The following FRRS1 variants were observed in gnomAD, a reference collection of about 807,000 sequenced individuals.
FRRS1 encodes the protein ferric reductase 1.
In FRRS1, 51 loss-of-function variants were observed where a neutral mutation model predicts 70.7. The observed-to-expected ratio is 0.72, with a 90% CI of 0.58 to 0.91. The LOEUF is 0.91. Among genes scored for constraint, FRRS1 ranks in the 40% least tolerant of loss-of-function variants. The pLI, the probability that FRRS1 is intolerant of heterozygous loss-of-function variation, is 0.00. For missense variants in FRRS1, 672 were observed against 726.0 expected, an observed-to-expected ratio of 0.93 and a Z score of 0.86; for synonymous variants, 225 against 238.7, an observed-to-expected ratio of 0.94 and a Z score of 0.53.
At chr1:99,729,335 C>A (rs1259721336) in intron 8 of FRRS1, among the ~76,000 whole-genome samples, 1 of 132,472 alleles carries the variant, frequency 7.5e-6, no homozygotes, top group Non-Finnish European at 1.7e-5. Context: ...GTCTTAGAAA[C>A]CCGTCTGTAA....
chr1:99,754,487 A>AAG (rs1204934716), intron 1 of FRRS1, among the ~76,000 whole-genome samples: 7 of 121,400 alleles, frequency 5.8e-5, no homozygotes, highest in Admixed American at 8.7e-5. Flanking sequence ...CCTTGTCTCA[A>AAG]AGAGAGAGAG....
rs1297319200 is a variant in FRRS1, at chr1:99,705,291, G to C, written c.*3737C>G. On this transcript the variant is annotated 3_prime_UTR_variant, in exon 17 of 17. Transcript: ENST00000646001. Reference sequence around the variant, plus strand: ...CGTTTCACTGAGAAGGGCATTCCAGGCTGGTAACCATCTGTGACCTGGGTG... The same window carrying C: ...CGTTTCACTGAGAAGGGCATTCCAGCCTGGTAACCATCTGTGACCTGGGTG... Among the ~76,000 whole-genome samples, 3 of 152,222 alleles carry C rather than the reference G, an allele frequency of 2.0e-5. No individual in the cohort carries two copies. Among genetic ancestry groups the C allele is most frequent in the African/African-American group, 7.2e-5 (3 of 41,446 alleles).
intron 7 of FRRS1, among the ~76,000 whole-genome samples, chr1:99,734,651 A>T (rs545022919): frequency 6.6e-6 from 1 of 152,354 alleles, no homozygotes; most frequent in East Asian, 1.9e-4. Flanking sequence ...ACCAAAAAAG[A>T]TGCTGGCAGC....
At chr1:99,747,654 G>C (rs769781162) in intron 3 of FRRS1, 10 of 462,840 alleles carry the variant, frequency 2.2e-5, no homozygotes, top group Admixed American at 3.9e-5. Context: ...ATTCCGCAAA[G>C]AGAAAAGAAA....
In FRRS1 at chr1:99,749,013, G is replaced by T; in HGVS notation, c.-105-12C>A. 1 of 342,652 alleles carries T rather than the reference G, an allele frequency of 2.9e-6. No homozygotes were observed. The highest frequency in any genetic ancestry group is 5.2e-6 in the Non-Finnish European group (1 of 190,492). 21.2% of individuals were successfully genotyped at this position (342,652 alleles called of 1,614,324 possible). On this transcript the variant is annotated splice_polypyrimidine_tract_variant and intron_variant, in intron 1 of 16. Coordinates refer to ENST00000646001, the MANE Select transcript of FRRS1 (RefSeq NM_001361041.2). The stretch of plus-strand genomic sequence containing the variant: ...CTCCACTTCCTTACCTGAAAAATAA[G>T]GAAACAAAGATCTCTTTTCAATGCT...
At chr1:99,762,504 T>C (rs181778740) in intron 1 of FRRS1, among the ~76,000 whole-genome samples, 22 of 151,180 alleles carry the variant, frequency 1.5e-4, no homozygotes, top group South Asian at 4.2e-4. Flanking sequence ...CCTGTTTCTC[T>C]GTAGGATCAT....
At chr1:99,713,647 C>T (rs1654380913) in intron 12 of FRRS1, among the ~76,000 whole-genome samples, 1 of 152,280 alleles carries the variant, frequency 6.6e-6, no homozygotes, top group East Asian at 1.9e-4. Context: ...AGGCTCTGAA[C>T]TTAACATATG....
intron 4 of FRRS1, among the ~76,000 whole-genome samples, chr1:99,742,487 A>G (rs559963379): frequency 6.6e-6 from 1 of 152,382 alleles, no homozygotes; most frequent in Admixed American, 6.5e-5. Context: ...ATGAGAGTCC[A>G]CAGAAATCTA....
At position 99,708,966 on chromosome 1, in the gene FRRS1, C is replaced by G; in HGVS notation, c.*62G>C. Reference sequence around the variant, plus strand: ...TGCTCCAGGCAGTCAGGACAGGCTTCAAGTTTCTTTGGTTTGATGATAATT... The same window carrying G: ...TGCTCCAGGCAGTCAGGACAGGCTTGAAGTTTCTTTGGTTTGATGATAATT... On this transcript the variant is annotated 3_prime_UTR_variant, in exon 17 of 17. Coordinates refer to ENST00000646001, the MANE Select transcript of FRRS1 (RefSeq NM_001361041.2). 5 of 1,613,970 alleles carry G rather than the reference C, an allele frequency of 3.1e-6. No homozygotes were observed. The South Asian group carries it at 5.5e-5, about 18-fold the overall frequency.
intron 9 of FRRS1, among the ~76,000 whole-genome samples, chr1:99,726,306 A>G (rs1655076914): frequency 6.6e-6 from 1 of 152,226 alleles, no homozygotes. Flanking sequence ...ACTGTGAATC[A>G]ATTAAATCTA....
chr1:99,707,889 T>C lies in FRRS1; in HGVS notation c.*1139A>G, dbSNP rs1013138064. ...ACAGAACCAGACACATTATATTATTTCTACAAGTAAACAGAATATCTATTA... is the reference window on the plus strand; with the variant it reads ...ACAGAACCAGACACATTATATTATTCCTACAAGTAAACAGAATATCTATTA... On this transcript the variant is annotated 3_prime_UTR_variant, in exon 17 of 17. Coordinates refer to ENST00000646001, the MANE Select transcript of FRRS1 (RefSeq NM_001361041.2). Among the ~76,000 whole-genome samples the C allele has an allele frequency of 6.6e-6, 1 of 152,362 alleles. No homozygotes were observed. The highest frequency in any genetic ancestry group is 1.5e-5 in the Non-Finnish European group (1 of 68,032).
intron 9 of FRRS1, among the ~76,000 whole-genome samples, chr1:99,722,059 G>A (rs182977551): frequency 9.3e-5 from 14 of 151,322 alleles, no homozygotes; most frequent in Non-Finnish European, 1.9e-4. Flanking sequence ...GTCCAGGCTG[G>A]AGTGCAGTGG....
chr1:99,733,117 G>A (rs796468840), intron 7 of FRRS1, among the ~76,000 whole-genome samples: 5 of 152,220 alleles, frequency 3.3e-5, no homozygotes, highest in African/African-American at 1.2e-4. Context: ...CCAAAGTGCT[G>A]GGATTATAGG....
chr1:99,748,708 C>A lies in FRRS1; in HGVS notation c.61G>T (p.Ala21Ser). ...CILLLHISYVANYPNGKVTQS... is the reference protein window; with the variant it reads ...CILLLHISYVSNYPNGKVTQS... Reference sequence around the variant, plus strand: ...GTTACTTTTCCATTGGGATAATTAGCCACATAACTAATGTGCAACAGAAGT... The same window carrying A: ...GTTACTTTTCCATTGGGATAATTAGACACATAACTAATGTGCAACAGAAGT... The change falls in exon 3 of 17, where the codon GCT becomes TCT. Residue 21 changes from alanine to serine, a missense_variant. Ala to Ser is a moderately conservative substitution (Grantham distance 99, BLOSUM62 1). Transcript: ENST00000646001. The A allele has an allele frequency of 6.2e-7, 1 of 1,613,960 alleles. No individual in the cohort carries two copies.
In FRRS1 at chr1:99,728,648, C is replaced by T. The variant is rs563459661; in HGVS notation, c.859-8G>A. On this transcript the variant is annotated splice_region_variant and splice_polypyrimidine_tract_variant and intron_variant, in intron 8 of 16. Coordinates refer to ENST00000646001, the MANE Select transcript of FRRS1 (RefSeq NM_001361041.2). ...CATATCCTCAAGGGTATCCTACAAA[C>T]ACACACAATGGGTCTTCTCAGCACT... is the stretch of plus-strand genomic sequence containing the variant. The T allele has an allele frequency of 7.6e-6, 12 of 1,587,196 alleles. No individual in the cohort carries two copies. In the East Asian group the frequency reaches 2.5e-4, roughly 32 times the overall value.
chr1:99,749,849 AAG>A (rs1265113858), intron 1 of FRRS1, among the ~76,000 whole-genome samples: 1 of 152,168 alleles, frequency 6.6e-6, no homozygotes, highest in African/African-American at 2.4e-5. Context: ...AGGACTCAAC[AAG>A]GCTGGAGGTG....
intron 7 of FRRS1, among the ~76,000 whole-genome samples, chr1:99,732,751 T>A (rs564119158): frequency 5.5e-4 from 83 of 152,198 alleles, no homozygotes; most frequent in Non-Finnish European, 9.0e-4. Context: ...TTGAGCACCA[T>A]GCTTTAAGAA....
intron 7 of FRRS1, among the ~76,000 whole-genome samples, chr1:99,730,696 T>C (rs1297390230): frequency 6.6e-6 from 1 of 151,920 alleles, no homozygotes; most frequent in Non-Finnish European, 1.5e-5. Context: ...TGAAACCCCG[T>C]CTCTACTAAA....
chr1:99,720,217 T>C (rs1340792934), intron 9 of FRRS1, among the ~76,000 whole-genome samples: 1 of 152,164 alleles, frequency 6.6e-6, no homozygotes, highest in Admixed American at 6.5e-5. Flanking sequence ...AAGGATAAAT[T>C]ATTTCATTAT....
Sources: allele counts gnomAD v4.1 joint callset (sites outside exome capture counted in the v4.1 genomes callset), GRCh38; gene constraint gnomAD v4.1.1; transcripts MANE v1.5; gene names NCBI Gene and HGNC (gene_info 2026-07-23, HGNC 2026-07-21).